Variants in UBTD1 observed in about 807,000 individuals in gnomAD.
UBTD1 encodes ubiquitin domain-containing protein 1.
A neutral mutation model predicts 21.7 loss-of-function variants in UBTD1; 19 were observed. The ratio of observed to expected loss-of-function variants is 0.87; its 90% confidence interval spans 0.61 to 1.28. The LOEUF (loss-of-function observed/expected upper bound fraction) is 1.28. Among genes scored for constraint, UBTD1 ranks in the 50% most tolerant of loss-of-function variants. The pLI, the probability that UBTD1 is intolerant of heterozygous loss-of-function variation, is 0.00. For missense variants in UBTD1, 282 were observed against 315.1 expected (o/e 0.89, Z 0.80); for synonymous variants, 116 against 135.1 (o/e 0.86, Z 0.98).
At position 97,503,986 on chromosome 10, in the gene UBTD1, C is replaced by T. The variant is rs116787008; in HGVS notation, c.70+4713C>T. Among the ~76,000 whole-genome samples, 413 of 152,230 alleles carry T rather than the reference C, an allele frequency of 2.7e-3. 1 individual carries two copies. Among genetic ancestry groups the T allele is most frequent in the African/African-American group, 9.3e-3 (388 of 41,528 alleles). The stretch of plus-strand genomic sequence containing the variant: ...TGTCCAAAACAGAATGAACCCCCAT[C>T]CCATCCCTGTACCTCCCAAAGTCTT... On this transcript the variant is annotated intron_variant, in intron 1 of 2. Coordinates refer to ENST00000370664, the MANE Select transcript of UBTD1 (RefSeq NM_024954.5).
At chr10:97,557,637 A>G (rs1192167413) in intron 1 of UBTD1, among the ~76,000 whole-genome samples, 1 of 152,162 alleles carries the variant, frequency 6.6e-6, no homozygotes, top group Non-Finnish European at 1.5e-5. Context: ...TGGCACAAGC[A>G]TCAAATTTTA....
At chr10:97,529,934 C>T (rs1234398588) in intron 1 of UBTD1, among the ~76,000 whole-genome samples, 4 of 152,180 alleles carry the variant, frequency 2.6e-5, no homozygotes, top group African/African-American at 9.7e-5. Flanking sequence ...AGCCCAGCCC[C>T]CTTGCCCTTT....
At chr10:97,558,944 A>G (rs972212872) in intron 1 of UBTD1, among the ~76,000 whole-genome samples, 17 of 152,208 alleles carry the variant, frequency 1.1e-4, no homozygotes, top group Admixed American at 1.1e-3. Flanking sequence ...CTAAAGCACA[A>G]GTGCCACTCT....
At chr10:97,531,546 C>T (rs1402094110) in intron 1 of UBTD1, among the ~76,000 whole-genome samples, 2 of 152,274 alleles carry the variant, frequency 1.3e-5, no homozygotes, top group Admixed American at 6.5e-5. Flanking sequence ...TCACCAAGCC[C>T]GGCCGACATA....
intron 1 of UBTD1, among the ~76,000 whole-genome samples, chr10:97,513,204 T>G (rs2135659249): frequency 6.6e-6 from 1 of 152,328 alleles, no homozygotes; most frequent in Non-Finnish European, 1.5e-5. Flanking sequence ...AATTCCACCC[T>G]GCCTCATTCC....
chr10:97,570,776 C>T lies in UBTD1; in HGVS notation c.*253C>T, dbSNP rs1034195560. ...CAGGGCCCTCACCCTGCCTGTCTCC[C>T]GAAGCAGGTTCGAGCCACAAGGGCC... is the stretch of plus-strand genomic sequence containing the variant. On this transcript the variant is annotated 3_prime_UTR_variant, in exon 3 of 3. Coordinates refer to ENST00000370664, the MANE Select transcript of UBTD1 (RefSeq NM_024954.5). This position sits in a 1 kb window ranked among gnomAD's most constrained non-coding sequence, Gnocchi z 6.6. 14 of 481,124 alleles carry T rather than the reference C, an allele frequency of 2.9e-5. No individual in the cohort carries two copies. The highest frequency in any genetic ancestry group is 4.8e-5 in the Non-Finnish European group (13 of 271,354). The allele number at this position is 481,124 out of a possible 1,614,324, so 29.8% of individuals were successfully genotyped here. A position where few individuals can be genotyped will look rare whatever the true frequency, so the allele number is the denominator to read the frequency against.
intron 1 of UBTD1, among the ~76,000 whole-genome samples, chr10:97,510,498 A>G (rs1260876307): frequency 1.3e-5 from 2 of 152,232 alleles, no homozygotes; most frequent in Non-Finnish European, 2.9e-5. Context: ...TCTACTCCAT[A>G]GGGCTGTCAT....
At chr10:97,556,600 T>C (rs1051299525) in intron 1 of UBTD1, among the ~76,000 whole-genome samples, 6 of 152,238 alleles carry the variant, frequency 3.9e-5, no homozygotes, top group Non-Finnish European at 7.3e-5. Context: ...GGGCCATTTA[T>C]CATCTTTCCA....
intron 1 of UBTD1, among the ~76,000 whole-genome samples, chr10:97,508,619 C>G (rs766283499): frequency 6.6e-6 from 1 of 151,958 alleles, no homozygotes; most frequent in African/African-American, 2.4e-5. Flanking sequence ...GCTGGTAGGT[C>G]AGCTGTGAAG....
chr10:97,529,448 C>T (rs1034192404), intron 1 of UBTD1, among the ~76,000 whole-genome samples: 25 of 152,374 alleles, frequency 1.6e-4, no homozygotes, highest in African/African-American at 5.5e-4. Context: ...GCCGAGATCA[C>T]GCCGCTGCAC....
At chr10:97,522,118 G>C (rs2040469261) in intron 1 of UBTD1, among the ~76,000 whole-genome samples, 2 of 152,194 alleles carry the variant, frequency 1.3e-5, no homozygotes, top group Admixed American at 1.3e-4. Flanking sequence ...GCAAGACATA[G>C]ACAAGATCAC....
chr10:97,570,815 C>G lies in UBTD1; in HGVS notation c.*292C>G. 1 of 407,926 alleles carries G rather than the reference C, an allele frequency of 2.5e-6. No individual in the cohort carries two copies. Among genetic ancestry groups the G allele is most frequent in the Non-Finnish European group, 4.5e-6 (1 of 222,788 alleles). The allele number at this position is 407,926 out of a possible 1,614,324, so 25.3% of individuals were successfully genotyped here. ...GCCACAAGGGCCAACCAGGAGGCCC[C>G]TGGAGCCCAGATCTGTCATCTGGTG... On this transcript the variant is annotated 3_prime_UTR_variant, in exon 3 of 3. Transcript: ENST00000370664. The surrounding 1 kb of genome is among the most constrained non-coding windows in gnomAD (Gnocchi z 6.6).
chr10:97,538,559 T>A (rs2040573750), intron 1 of UBTD1, among the ~76,000 whole-genome samples: 1 of 152,196 alleles, frequency 6.6e-6, no homozygotes, highest in South Asian at 2.1e-4. Flanking sequence ...CAGACAGTGA[T>A]ATGAGCTCGT....
intron 1 of UBTD1, among the ~76,000 whole-genome samples, chr10:97,506,506 A>G (rs964085014): frequency 5.9e-5 from 9 of 152,132 alleles, no homozygotes; most frequent in African/African-American, 1.9e-4. Context: ...TAGATATGAC[A>G]TAAAATTTAC....
At chr10:97,527,968 C>T (rs2040498012) in intron 1 of UBTD1, among the ~76,000 whole-genome samples, 1 of 152,106 alleles carries the variant, frequency 6.6e-6, no homozygotes, top group Non-Finnish European at 1.5e-5. Flanking sequence ...CTGGGTACAC[C>T]TCCCAGACGG....
chr10:97,530,987 A>G (rs2040527347), intron 1 of UBTD1, among the ~76,000 whole-genome samples: 1 of 151,864 alleles, frequency 6.6e-6, no homozygotes, highest in African/African-American at 2.4e-5. Context: ...TCCTGGGTTC[A>G]TGCCATTCTC....
intron 1 of UBTD1, among the ~76,000 whole-genome samples, chr10:97,537,253 G>A (rs560878801): frequency 4.6e-5 from 7 of 152,254 alleles, no homozygotes; most frequent in Non-Finnish European, 1.0e-4. Context: ...TGAGCACCCT[G>A]GTAATCATCA....
chr10:97,499,122 C>G lies in UBTD1; in HGVS notation c.-82C>G, dbSNP rs2040292177. On this transcript the variant is annotated 5_prime_UTR_variant, in exon 1 of 3. Coordinates refer to ENST00000370664, the MANE Select transcript of UBTD1 (RefSeq NM_024954.5). ...GCGCCCGATGCCGGGCGGCCGGAGC[C>G]ATTGACCCGGGACGCCGCCGTCCGC... 2.8e-6 allele frequency: 4 copies of G among 1,423,868 alleles called. No homozygotes were observed. Among genetic ancestry groups the G allele is most frequent in the Non-Finnish European group, 3.7e-6 (4 of 1,068,926 alleles). The allele number at this position is 1,423,868 out of a possible 1,614,324, so 88.2% of individuals were successfully genotyped here.
chr10:97,530,739 G>A (rs1314680121), intron 1 of UBTD1, among the ~76,000 whole-genome samples: 2 of 152,000 alleles, frequency 1.3e-5, no homozygotes, highest in Non-Finnish European at 2.9e-5. Flanking sequence ...TATGATCTCA[G>A]CAATATGAAT....
Sources: allele counts gnomAD v4.1 joint callset (sites outside exome capture counted in the v4.1 genomes callset), GRCh38; gene constraint gnomAD v4.1.1; non-coding constraint Gnocchi (gnomAD v3.1); transcripts MANE v1.5; gene names NCBI Gene and HGNC (gene_info 2026-07-23, HGNC 2026-07-21).